MGAT4C: variants seen among roughly 807,000 people sequenced by gnomAD.
The protein encoded by MGAT4C is MGAT4 family member C, also known as alpha-1,3-mannosyl-glycoprotein 4-beta-N-acetylglucosaminyltransferase C.
Under a neutral mutation model 40.1 loss-of-function variants are expected in MGAT4C, and 19 were observed. The ratio of observed to expected loss-of-function variants is 0.47; its 90% confidence interval spans 0.33 to 0.70. The LOEUF is 0.70. MGAT4C is among the 30% of genes least tolerant of loss of function. The pLI is 0.02. For synonymous variants in MGAT4C, 181 were observed against 187.1 expected, an observed-to-expected ratio of 0.97 and a Z score of 0.27; for missense variants, 491 against 563.2, an observed-to-expected ratio of 0.87 and a Z score of 1.30.
At chr12:86,559,761 C>A (rs1452250302) in intron 2 of MGAT4C, among the ~76,000 whole-genome samples, 1 of 151,676 alleles carries the variant, frequency 6.6e-6, no homozygotes. Context: ...AAGAACAAAA[C>A]AAAACCAAAA....
chr12:86,408,487 A>C (rs755060941), intron 3 of MGAT4C, among the ~76,000 whole-genome samples: 11,021 of 83,416 alleles, frequency 0.13, 580 homozygotes, highest in Non-Finnish European at 0.15. Flanking sequence ...CTCTATATAT[A>C]TATATATATA....
chr12:86,430,414 A>C (rs1289881669), intron 3 of MGAT4C, among the ~76,000 whole-genome samples: 1 of 152,150 alleles, frequency 6.6e-6, no homozygotes, highest in African/African-American at 2.4e-5. Flanking sequence ...AGGGATACAC[A>C]TGCATTATTT....
At chr12:86,437,532 G>A (rs534307484) in intron 2 of MGAT4C, among the ~76,000 whole-genome samples, 1 of 151,908 alleles carries the variant, frequency 6.6e-6, no homozygotes, top group African/African-American at 2.4e-5. Flanking sequence ...ATTTGTTCTA[G>A]TTATTCTCAG....
intron 1 of MGAT4C, among the ~76,000 whole-genome samples, chr12:86,089,645 T>C (rs1014201809): frequency 6.6e-6 from 1 of 151,886 alleles, no homozygotes; most frequent in African/African-American, 2.4e-5. Flanking sequence ...ATTAAAATTA[T>C]TCATCTTTTT....
chr12:86,551,765 T>A (rs1959375119), intron 2 of MGAT4C, among the ~76,000 whole-genome samples: 1 of 152,178 alleles, frequency 6.6e-6, no homozygotes, highest in African/African-American at 2.4e-5. Flanking sequence ...CAGGCAAAGC[T>A]GCACCACCAC....
chr12:86,640,894 T>G (rs1186039969), intron 2 of MGAT4C, among the ~76,000 whole-genome samples: 1 of 152,010 alleles, frequency 6.6e-6, no homozygotes, highest in East Asian at 1.9e-4. Flanking sequence ...TTGTTCAGTT[T>G]CCATGTAGTT....
intron 1 of MGAT4C, among the ~76,000 whole-genome samples, chr12:86,155,012 G>C (rs149491193): frequency 3.9e-5 from 6 of 152,276 alleles, no homozygotes; most frequent in African/African-American, 1.4e-4. Flanking sequence ...TAATGAGAGA[G>C]TGATAATTTA....
chr12:86,664,997 G>A (rs921781231), intron 2 of MGAT4C, among the ~76,000 whole-genome samples: 1 of 152,004 alleles, frequency 6.6e-6, no homozygotes. Flanking sequence ...GATCATTGAA[G>A]CAATGTAAGT....
At chr12:86,332,980 T>C (rs904843537) in intron 4 of MGAT4C, among the ~76,000 whole-genome samples, 2 of 152,134 alleles carry the variant, frequency 1.3e-5, no homozygotes, top group African/African-American at 2.4e-5. Flanking sequence ...AGAAAAAGGC[T>C]ATATGAAACA....
intron 3 of MGAT4C, among the ~76,000 whole-genome samples, chr12:86,345,840 C>A (rs1459374380): frequency 1.3e-5 from 2 of 152,220 alleles, no homozygotes; most frequent in Admixed American, 6.5e-5. Flanking sequence ...CCGACCTTCA[C>A]AATGGTTGAA....
In MGAT4C at chr12:85,966,745, T is replaced by G. The variant is rs1265247355; in HGVS notation, c.*12544A>C. On this transcript the variant is annotated 3_prime_UTR_variant, in exon 5 of 5. Coordinates refer to ENST00000611864, the MANE Select transcript of MGAT4C (RefSeq NM_001351288.2). Reference sequence around the variant, plus strand: ...TAAAAAATGATGAGTTCATGTCCTTTGTAGGGACATGGATGAAGCTGGAAA... The same window carrying G: ...TAAAAAATGATGAGTTCATGTCCTTGGTAGGGACATGGATGAAGCTGGAAA... The G allele has an allele frequency of 6.6e-6, 1 of 152,128 alleles. No individual in the cohort carries two copies. The highest frequency in any genetic ancestry group is 2.4e-5 in the African/African-American group (1 of 41,406). The allele number at this position is 152,128 out of a possible 1,614,324, so 9.4% of individuals were successfully genotyped here.
At position 86,429,610 on chromosome 12, in the gene MGAT4C, C is replaced by T. The variant is rs1452628805; in HGVS notation, c.-120+5547G>A. Among the ~76,000 whole-genome samples, 10 of 152,238 alleles carry T rather than the reference C, an allele frequency of 6.6e-5. No homozygotes were observed. The East Asian group carries it at 1.9e-3, about 29-fold the overall frequency. On this transcript the variant is annotated intron_variant, in intron 3 of 7. Transcript: ENST00000548651. ...AACTTTGACTACATCTTTCCACTCTCTCTTGCTTGAAGACTTTCTGTTGAG... is the reference window on the plus strand; with the variant it reads ...AACTTTGACTACATCTTTCCACTCTTTCTTGCTTGAAGACTTTCTGTTGAG...
At chr12:86,194,635 T>G (rs1014600436) in intron 1 of MGAT4C, among the ~76,000 whole-genome samples, 1 of 150,226 alleles carries the variant, frequency 6.7e-6, no homozygotes, top group Non-Finnish European at 1.5e-5. Flanking sequence ...TTTTTTTTTT[T>G]GTATTTTTAG....
At chr12:86,351,704 T>C (rs1446179562) in intron 3 of MGAT4C, among the ~76,000 whole-genome samples, 1 of 152,038 alleles carries the variant, frequency 6.6e-6, no homozygotes, top group Non-Finnish European at 1.5e-5. Flanking sequence ...AATGGCAAAT[T>C]GTTAAACAAT....
chr12:86,488,252 C>CAAAAA (rs760174330), intron 2 of MGAT4C, among the ~76,000 whole-genome samples: 1 of 93,990 alleles, frequency 1.1e-5, no homozygotes, highest in African/African-American at 4.2e-5. Context: ...TTGTTTTCTA[C>CAAAAA]AAAAAAAAAA....
chr12:86,299,034 T>C (rs1292180095), intron 4 of MGAT4C, among the ~76,000 whole-genome samples: 1 of 152,190 alleles, frequency 6.6e-6, no homozygotes, highest in African/African-American at 2.4e-5. Context: ...GGAATAAATA[T>C]GCTCTTTGCT....
intron 4 of MGAT4C, among the ~76,000 whole-genome samples, chr12:86,312,699 G>C (rs2136151882): frequency 6.6e-6 from 1 of 151,970 alleles, no homozygotes; most frequent in Non-Finnish European, 1.5e-5. Flanking sequence ...TATATTTTTA[G>C]TATTTTAATG....
chr12:86,350,262 C>G (rs1955130072), intron 3 of MGAT4C, among the ~76,000 whole-genome samples: 1 of 152,016 alleles, frequency 6.6e-6, no homozygotes, highest in African/African-American at 2.4e-5. Flanking sequence ...TCTCTTGCTG[C>G]CTGGTATAGC....
At chr12:86,838,414 A>C (rs565784700) in intron 1 of MGAT4C, among the ~76,000 whole-genome samples, 1 of 152,204 alleles carries the variant, frequency 6.6e-6, no homozygotes, top group African/African-American at 2.4e-5. Context: ...ACTTATGATA[A>C]TGCAGCCTGC....
Sources: allele counts gnomAD v4.1 joint callset (sites outside exome capture counted in the v4.1 genomes callset), GRCh38; gene constraint gnomAD v4.1.1; transcripts MANE v1.5; gene names NCBI Gene and HGNC (gene_info 2026-07-23, HGNC 2026-07-21).